Variants in ZNF469 observed in about 807,000 individuals in gnomAD.
The protein encoded by ZNF469 is zinc finger protein 469.
A neutral mutation model predicts 1.0 loss-of-function variants in ZNF469; 1 was observed. That is an observed-to-expected ratio of 1.00 (90% confidence interval 0.35 to 4.73). The LOEUF (loss-of-function observed/expected upper bound fraction) is 4.73. Ranked by LOEUF, ZNF469 falls within the 30% of genes most tolerant of loss-of-function variation. The pLI, the probability that ZNF469 is intolerant of heterozygous loss-of-function variation, is 0.16. For missense variants in ZNF469, 6,100 were observed against 5,356.3 expected (o/e 1.14, Z -4.33); for synonymous variants, 2,703 against 2,363.4 (o/e 1.14, Z -4.17).
At chr16:88,143,700 A>G in the ZNF469 span, among the ~76,000 whole-genome samples, 2 of 152,370 alleles carry the variant, frequency 1.3e-5, no homozygotes, top group African/African-American at 4.8e-5. Flanking sequence ...TGTCAGAAAC[A>G]TCACACACGT....
the ZNF469 span, among the ~76,000 whole-genome samples, chr16:88,190,062 C>T: frequency 5.9e-5 from 7 of 118,836 alleles, no homozygotes; most frequent in Non-Finnish European, 1.1e-4. Context: ...GTTGCCTTGT[C>T]TTGACCCTTT....
At chr16:88,141,945 T>C in the ZNF469 span, among the ~76,000 whole-genome samples, 1 of 152,178 alleles carries the variant, frequency 6.6e-6, no homozygotes, top group Non-Finnish European at 1.5e-5. Flanking sequence ...TGTGGGAGAA[T>C]GCATTCGTGT....
chr16:88,198,417 T>A, the ZNF469 span, among the ~76,000 whole-genome samples: 2 of 152,174 alleles, frequency 1.3e-5, no homozygotes, highest in South Asian at 4.2e-4. Context: ...ATTGCAGTTG[T>A]CCAAACTTCC....
the ZNF469 span, among the ~76,000 whole-genome samples, chr16:88,227,796 C>G: frequency 6.6e-6 from 1 of 152,234 alleles, no homozygotes; most frequent in East Asian, 1.9e-4. Flanking sequence ...CCCCACAGCC[C>G]TGAAAGCAGA....
the ZNF469 span, among the ~76,000 whole-genome samples, chr16:88,279,777 A>G: frequency 0.19 from 17,936 of 94,852 alleles, 272 homozygotes; most frequent in South Asian, 0.28. Context: ...ATCAGTGCAC[A>G]GTTAGTGCTG....
the ZNF469 span, among the ~76,000 whole-genome samples, chr16:88,324,016 G>C: frequency 6.6e-6 from 1 of 152,234 alleles, no homozygotes; most frequent in East Asian, 1.9e-4. Flanking sequence ...GGTTGTCAGG[G>C]CCTGCGGGCA....
chr16:88,264,049 A>G, the ZNF469 span, among the ~76,000 whole-genome samples: 2 of 152,002 alleles, frequency 1.3e-5, no homozygotes, highest in Admixed American at 1.3e-4. Context: ...ACGTGTACTC[A>G]TGGAGCTCGG....
In ZNF469 at chr16:88,434,605, GACC is replaced by G; in HGVS notation, c.7136_7138del (p.Asp2379_Pro2380delinsAla). On this transcript the variant is annotated inframe_deletion, in exon 3 of 3. Transcript: ENST00000565624. ...GGGGACCAGCAGCAAGGAGCCGGAGGACCCAGGGACCCCTGAGACCGGGCGCTC... is the reference window on the plus strand; with the variant it reads ...GGGGACCAGCAGCAAGGAGCCGGAGGCAGGGACCCCTGAGACCGGGCGCTC... The G allele has an allele frequency of 6.5e-7, 1 of 1,550,280 alleles. No homozygotes were observed. Among genetic ancestry groups the G allele is most frequent in the Non-Finnish European group, 8.7e-7 (1 of 1,146,932 alleles).
the ZNF469 span, among the ~76,000 whole-genome samples, chr16:88,190,347 C>A: frequency 6.6e-6 from 1 of 152,272 alleles, no homozygotes; most frequent in Non-Finnish European, 1.5e-5. Flanking sequence ...CCAGAGGTGA[C>A]ACCTTGCTCA....
At chr16:88,194,794 T>G in the ZNF469 span, 1 of 152,290 alleles carries the variant, frequency 6.6e-6, no homozygotes, top group African/African-American at 2.4e-5. Flanking sequence ...CTTCTGTCTT[T>G]AAAAGGCAGC....
Position 88,439,549 on chromosome 16 carries a change from G to A in ZNF469, c.*217G>A, listed in dbSNP as rs1157411406. ...GCTGGAAGGCTGGGGGTGAAAGACG[G>A]GGCCACTGCAGCCCTTTTGAGACCA... On this transcript the variant is annotated 3_prime_UTR_variant, in exon 3 of 3. Coordinates refer to ENST00000565624, the MANE Select transcript of ZNF469 (RefSeq NM_001367624.2). 4.9e-6 allele frequency: 3 copies of A among 606,302 alleles called. No individual in the cohort carries two copies. The highest frequency in any genetic ancestry group is 8.7e-6 in the Non-Finnish European group (3 of 345,282). 37.6% of individuals were successfully genotyped at this position (606,302 alleles called of 1,614,324 possible).
chr16:88,142,348 C>T, the ZNF469 span, among the ~76,000 whole-genome samples: 188 of 152,342 alleles, frequency 1.2e-3, no homozygotes, highest in African/African-American at 4.3e-3. Flanking sequence ...ACCTCCTGGC[C>T]CTGGCCCTGC....
chr16:88,139,956 G>C, the ZNF469 span, among the ~76,000 whole-genome samples: 1 of 152,234 alleles, frequency 6.6e-6, no homozygotes, highest in Non-Finnish European at 1.5e-5. Context: ...AACAACAAAA[G>C]ATACACAAAA....
At chr16:88,248,198 G>A in the ZNF469 span, among the ~76,000 whole-genome samples, 1 of 152,156 alleles carries the variant, frequency 6.6e-6, no homozygotes, top group Non-Finnish European at 1.5e-5. Flanking sequence ...AACAGAGAAA[G>A]CACTCTTAGG....
the ZNF469 span, among the ~76,000 whole-genome samples, chr16:88,143,240 T>C: frequency 6.6e-6 from 1 of 152,200 alleles, no homozygotes; most frequent in African/African-American, 2.4e-5. Context: ...AGTTTCCCCC[T>C]GTGTCAATGG....
At chr16:88,282,624 G>A in the ZNF469 span, among the ~76,000 whole-genome samples, 3 of 152,200 alleles carry the variant, frequency 2.0e-5, no homozygotes, top group South Asian at 4.1e-4. Flanking sequence ...CAGCTGCAGA[G>A]ACGTCGGATT....
chr16:88,305,605 TGC>T, the ZNF469 span, among the ~76,000 whole-genome samples: 1 of 127,276 alleles, frequency 7.9e-6, no homozygotes, highest in East Asian at 2.4e-4. Context: ...CCCTCACACA[TGC>T]ACACACACCC....
Position 88,428,161 on chromosome 16 carries a change from G to A in ZNF469, c.691G>A (p.Gly231Arg). Reference protein sequence around the residue: ...PGSYPEYQASGADSWPPAAEN... With the variant: ...PGSYPEYQASRADSWPPAAEN... ...TTCCTATCCCGAATACCAGGCCAGT[G>A]GGGCCGACTCCTGGCCTCCCGCTGC... The change falls in exon 3 of 3, where the codon GGG becomes AGG. Residue 231 changes from glycine (G) to arginine (R), a missense_variant. Coordinates refer to ENST00000565624, the MANE Select transcript of ZNF469 (RefSeq NM_001367624.2). 1 of 1,550,216 alleles carries A rather than the reference G, an allele frequency of 6.5e-7. No homozygotes were observed. The highest frequency in any genetic ancestry group is 8.7e-7 in the Non-Finnish European group (1 of 1,146,906).
the ZNF469 span, among the ~76,000 whole-genome samples, chr16:88,113,623 T>G: frequency 6.6e-6 from 1 of 152,280 alleles, no homozygotes; most frequent in African/African-American, 2.4e-5. Context: ...CTCCGCAGAC[T>G]GTGGTGAAGG....
Sources: gnomAD v4.1 joint callset for allele counts (sites outside exome capture counted in the v4.1 genomes callset) on GRCh38, gnomAD v4.1.1 for gene constraint, MANE v1.5 for transcripts, NCBI Gene and HGNC (gene_info 2026-07-23, HGNC 2026-07-21) for gene names.